Variants in EIF3J observed in about 807,000 individuals in gnomAD.
The protein encoded by EIF3J is eukaryotic translation initiation factor 3, subunit 1 (alpha, 35kD).
A neutral mutation model predicts 39.0 loss-of-function variants in EIF3J; 15 were observed. The observed-to-expected ratio is 0.38, with a 90% confidence interval of 0.26 to 0.59. The LOEUF is 0.59. Among genes scored for constraint, EIF3J ranks in the 20% least tolerant of loss-of-function variants. The probability of loss-of-function intolerance (pLI) is 0.60; values close to 1 mark genes in which losing one functional copy is unlikely to be tolerated. For synonymous variants in EIF3J, 98 were observed against 112.9 expected, an observed-to-expected ratio of 0.87 and a Z score of 0.84; for missense variants, 226 against 308.6, an observed-to-expected ratio of 0.73 and a Z score of 2.00.
chr15:44,552,678 C>T (rs1046244198), intron 4 of EIF3J, among the ~76,000 whole-genome samples: 1 of 151,988 alleles, frequency 6.6e-6, no homozygotes, highest in African/African-American at 2.4e-5. Flanking sequence ...TCTCCTGCCT[C>T]AGTCTTCGAG....
At chr15:44,549,566 G>A (rs947025060) in intron 2 of EIF3J, among the ~76,000 whole-genome samples, 3 of 151,726 alleles carry the variant, frequency 2.0e-5, no homozygotes, top group African/African-American at 4.8e-5. Flanking sequence ...TCAGGAGTTC[G>A]AGACCAGTGT....
rs760215336 is a variant in EIF3J at position 44,537,441 on chromosome 15, A to G, written c.147+14A>G. Reference sequence around the variant, plus strand: ...GAGGACGTCAAGGTGGGTGCGGGCTAGGGCGCCGGGCAGCGCGGAAGCGGG... The same window carrying G: ...GAGGACGTCAAGGTGGGTGCGGGCTGGGGCGCCGGGCAGCGCGGAAGCGGG... On this transcript the variant is annotated intron_variant, in intron 2 of 7. Coordinates refer to ENST00000261868, the MANE Select transcript of EIF3J (RefSeq NM_003758.4). 1.3e-6 allele frequency: 2 copies of G among 1,531,644 alleles called. No individual in the cohort carries two copies. Among genetic ancestry groups the G allele is most frequent in the African/African-American group, 2.8e-5 (2 of 71,332 alleles). 94.9% of individuals were successfully genotyped at this position (1,531,644 alleles called of 1,614,324 possible).
At chr15:44,548,208 A>T (rs1270620703) in intron 2 of EIF3J, among the ~76,000 whole-genome samples, 1 of 152,148 alleles carries the variant, frequency 6.6e-6, no homozygotes. Context: ...TGATGTCAGG[A>T]GTTCGAGACC....
intron 2 of EIF3J, among the ~76,000 whole-genome samples, chr15:44,541,539 C>T (rs1037126836): frequency 6.6e-6 from 1 of 152,102 alleles, no homozygotes; most frequent in African/African-American, 2.4e-5. Context: ...TCCTGAAGAA[C>T]AGATTTAGTT....
chr15:44,556,610 G>C (rs1369687215), intron 5 of EIF3J, among the ~76,000 whole-genome samples: 1 of 151,896 alleles, frequency 6.6e-6, no homozygotes, highest in Non-Finnish European at 1.5e-5. Flanking sequence ...GGGTTGAAGT[G>C]ATTCTCGTGC....
chr15:44,544,636 AG>A (rs2082038686), intron 2 of EIF3J, among the ~76,000 whole-genome samples: 1 of 148,168 alleles, frequency 6.7e-6, no homozygotes, highest in Non-Finnish European at 1.5e-5. Context: ...CCCAGGAGGC[AG>A]AGGTTGCGGT....
At chr15:44,551,033 G>T in intron 3 of EIF3J, 103 bp downstream of exon 3, 1 of 1,463,796 alleles carries the variant, frequency 6.8e-7, no homozygotes, top group South Asian at 1.5e-5. Flanking sequence ...GAACATTTTG[G>T]TATTTAGAAA....
chr15:44,548,868 C>A (rs2041421134), intron 2 of EIF3J, among the ~76,000 whole-genome samples: 1 of 152,096 alleles, frequency 6.6e-6, no homozygotes, highest in Admixed American at 6.6e-5. Context: ...ATCACATGAA[C>A]TTTGGAGGAC....
At chr15:44,540,069 G>A (rs1477933392) in intron 2 of EIF3J, among the ~76,000 whole-genome samples, 1 of 149,826 alleles carries the variant, frequency 6.7e-6, no homozygotes, top group Admixed American at 6.6e-5. Flanking sequence ...CTCCCGAGTA[G>A]CTGGGATTAC....
At chr15:44,548,055 A>G (rs1371867252) in intron 2 of EIF3J, among the ~76,000 whole-genome samples, 1 of 152,212 alleles carries the variant, frequency 6.6e-6, no homozygotes, top group South Asian at 2.1e-4. Flanking sequence ...AAAGGCCAAG[A>G]AAACACTAAA....
chr15:44,549,428 CAAGAA>C (rs2082080521), intron 2 of EIF3J, among the ~76,000 whole-genome samples: 1 of 151,764 alleles, frequency 6.6e-6, no homozygotes. Context: ...AACAAAAAAA[CAAGAA>C]AAGACTTTCT....
At position 44,562,773 on chromosome 15, in the gene EIF3J, AAAT is replaced by A. The variant is rs150223479; in HGVS notation, c.*1631_*1633del. On this transcript the variant is annotated 3_prime_UTR_variant, in exon 8 of 8. Transcript: ENST00000261868. Reference sequence around the variant, plus strand: ...TGTATCACCTGTTCCTTAACTGTGTAAATAATAATTAAATTTCTTTGAAACTGG... The same window carrying A: ...TGTATCACCTGTTCCTTAACTGTGTAAATAATTAAATTTCTTTGAAACTGG... 2,043 of 236,062 alleles carry A rather than the reference AAAT, an allele frequency of 8.7e-3. 52 individuals carry two copies. The highest frequency in any genetic ancestry group is 0.044 in the African/African-American group (1,933 of 43,762). The allele number at this position is 236,062 out of a possible 1,614,324, so 14.6% of individuals were successfully genotyped here. A position where few individuals can be genotyped will look rare whatever the true frequency, so the allele number is the denominator to read the frequency against.
chr15:44,542,537 A>G (rs2082021704), intron 2 of EIF3J, among the ~76,000 whole-genome samples: 1 of 152,228 alleles, frequency 6.6e-6, no homozygotes, highest in Non-Finnish European at 1.5e-5. Context: ...ATGTGTTCTC[A>G]TTGCATGTGA....
intron 6 of EIF3J, among the ~76,000 whole-genome samples, chr15:44,559,542 C>T (rs1228721929): frequency 7.0e-6 from 1 of 142,194 alleles, no homozygotes. Flanking sequence ...CCCGTCTCTA[C>T]TAAAAATACA....
intron 7 of EIF3J, 54 bp from the exon 8 acceptor site, chr15:44,560,964 A>G: frequency 6.3e-7 from 1 of 1,595,074 alleles, no homozygotes; most frequent in Non-Finnish European, 8.5e-7. Context: ...GCTGTACCAG[A>G]TAAGATGCCC....
intron 2 of EIF3J, among the ~76,000 whole-genome samples, chr15:44,542,757 T>C (rs1199488980): frequency 2.0e-5 from 3 of 152,250 alleles, no homozygotes; most frequent in Admixed American, 1.3e-4. Flanking sequence ...GGCAAGAGTA[T>C]AGATAAGCAA....
chr15:44,553,294 C>T (rs1312512432), intron 4 of EIF3J, among the ~76,000 whole-genome samples: 2 of 151,952 alleles, frequency 1.3e-5, no homozygotes, highest in South Asian at 2.1e-4. Context: ...AGATCGAGAC[C>T]ATCCTGGCTA....
chr15:44,544,745 C>T lies in EIF3J; in HGVS notation c.148-6131C>T, dbSNP rs555636664. Reference sequence around the variant, plus strand: ...AAAAAGGTGGGAGGGGCCAGGCACGCCTGTAATCCCAGCACTTTGGGAGGC... The same window carrying T: ...AAAAAGGTGGGAGGGGCCAGGCACGTCTGTAATCCCAGCACTTTGGGAGGC... On this transcript the variant is annotated intron_variant, in intron 2 of 7. Coordinates refer to ENST00000261868, the MANE Select transcript of EIF3J (RefSeq NM_003758.4). Among the ~76,000 whole-genome samples, 46 of 146,996 alleles carry T rather than the reference C, an allele frequency of 3.1e-4. No individual in the cohort carries two copies. The South Asian group carries it at 9.5e-3, about 30-fold the overall frequency.
intron 2 of EIF3J, among the ~76,000 whole-genome samples, chr15:44,541,480 C>T (rs2082013995): frequency 6.6e-6 from 1 of 152,158 alleles, no homozygotes; most frequent in African/African-American, 2.4e-5. Context: ...GAGTTTGAAG[C>T]CAGCCTGGGC....
Sources: gnomAD v4.1 joint callset for allele counts (sites outside exome capture counted in the v4.1 genomes callset) on GRCh38, gnomAD v4.1.1 for gene constraint, MANE v1.5 for transcripts, NCBI Gene and HGNC (gene_info 2026-07-23, HGNC 2026-07-21) for gene names.